NLGN1: variants seen among roughly 807,000 people sequenced by gnomAD.
The protein encoded by NLGN1 is neuroligin 1, also known as neuroligin-1.
A neutral mutation model predicts 65.5 loss-of-function variants in NLGN1; 12 were observed. That is an observed-to-expected ratio of 0.18 (90% CI 0.12 to 0.30). The LOEUF is 0.30. Among genes scored for constraint, NLGN1 ranks in the 10% least tolerant of loss-of-function variants. The pLI is 1.00. For missense variants in NLGN1, 750 were observed against 1,007.1 expected (o/e 0.74, Z 3.46); for synonymous variants, 350 against 359.5 (o/e 0.97, Z 0.30).
intron 3 of NLGN1, among the ~76,000 whole-genome samples, chr3:173,613,779 C>T (rs1752651486): frequency 6.6e-6 from 1 of 151,988 alleles, no homozygotes; most frequent in Non-Finnish European, 1.5e-5. Flanking sequence ...AAGCATAGCT[C>T]ATAATTTTCA....
rs6803089 is a variant in NLGN1 at position 174,043,176 on chromosome 3, C to T, written c.647-232139C>T. The stretch of plus-strand genomic sequence containing the variant: ...AGTTACCTCCACCTGATCCCTCCCA[C>T]GACATGTGGAGATTATGGGAACTAC... On this transcript the variant is annotated intron_variant, in intron 4 of 6. Coordinates refer to ENST00000457714, the Ensembl canonical transcript of NLGN1. Among the ~76,000 whole-genome samples, 670 of 152,256 alleles carry T rather than the reference C, an allele frequency of 4.4e-3. 7 individuals are homozygous for T. Among genetic ancestry groups the T allele is most frequent in the African/African-American group, 0.015 (630 of 41,556 alleles).
chr3:173,940,810 G>A (rs947307730), intron 4 of NLGN1, among the ~76,000 whole-genome samples: 1 of 152,056 alleles, frequency 6.6e-6, no homozygotes, highest in African/African-American at 2.4e-5. Context: ...ATATCTACGT[G>A]CATTTGCCTA....
In NLGN1 at chr3:173,789,899, G is replaced by GAA. The variant is rs756358641; in HGVS notation, c.494-17781_494-17780insAA. 5.6e-4 allele frequency: 288 copies of GAA among 513,074 alleles called. 1 individual carries two copies. The highest frequency in any genetic ancestry group is 5.0e-3 in the African/African-American group (259 of 51,982). The allele number at this position is 513,074 out of a possible 1,614,324, so 31.8% of individuals were successfully genotyped here. Reference sequence around the variant, plus strand: ...CAGCTAATCTAGTTCTGATTTCTCAGCATCTCTATTGAGGACAAGGCACCT... The same window carrying GAA: ...CAGCTAATCTAGTTCTGATTTCTCAGAACATCTCTATTGAGGACAAGGCACCT... On this transcript the variant is annotated intron_variant, in intron 3 of 6. Coordinates refer to ENST00000457714, the Ensembl canonical transcript of NLGN1.
At chr3:173,558,261 T>C (rs551596785) in intron 2 of NLGN1, among the ~76,000 whole-genome samples, 74 of 152,260 alleles carry the variant, frequency 4.9e-4, no homozygotes, top group African/African-American at 1.7e-3. Flanking sequence ...ATACCATTGG[T>C]TTTCATCACT....
At chr3:173,454,516 G>A (rs1722189631) in intron 2 of NLGN1, among the ~76,000 whole-genome samples, 1 of 152,176 alleles carries the variant, frequency 6.6e-6, no homozygotes, top group Non-Finnish European at 1.5e-5. Context: ...TAGATCTTCT[G>A]GATAAGTTGG....
At chr3:173,699,039 A>G (rs1017195977) in intron 3 of NLGN1, among the ~76,000 whole-genome samples, 5 of 152,056 alleles carry the variant, frequency 3.3e-5, no homozygotes, top group East Asian at 1.9e-4. Context: ...TAATTTTAGT[A>G]GAGACGCGTT....
chr3:173,767,159 G>A lies in NLGN1; in HGVS notation c.494-40521G>A, dbSNP rs148657361. ...GAAAAACAAAAGAAGGGACTGGCGT[G>A]TTTTTCTTCAATAATGAGTATTTTC... On this transcript the variant is annotated intron_variant, in intron 3 of 6. Coordinates refer to ENST00000457714, the Ensembl canonical transcript of NLGN1. Among the ~76,000 whole-genome samples the A allele has an allele frequency of 5.5e-3, 835 of 152,226 alleles. 5 individuals carry two copies. Among genetic ancestry groups the A allele is most frequent in the Middle Eastern group, 0.014 (4 of 292 alleles).
chr3:174,211,361 C>T (rs546511329), intron 4 of NLGN1, among the ~76,000 whole-genome samples: 5 of 152,106 alleles, frequency 3.3e-5, no homozygotes, highest in East Asian at 2.0e-4. Context: ...CTGAGCTAGG[C>T]GCAAAGGTTC....
At chr3:173,408,486 A>G (rs933437262) in intron 1 of NLGN1, among the ~76,000 whole-genome samples, 1 of 152,206 alleles carries the variant, frequency 6.6e-6, no homozygotes, top group East Asian at 1.9e-4. Context: ...CACTCTCCAT[A>G]AAAACAGCAG....
intron 4 of NLGN1, among the ~76,000 whole-genome samples, chr3:173,866,469 C>T (rs1303619630): frequency 6.6e-6 from 1 of 152,070 alleles, no homozygotes; most frequent in Non-Finnish European, 1.5e-5. Flanking sequence ...AAAAAATAAA[C>T]GAATAAATGA....
intron 4 of NLGN1, among the ~76,000 whole-genome samples, chr3:173,911,519 T>G (rs1269274674): frequency 6.6e-6 from 1 of 152,200 alleles, no homozygotes; most frequent in African/African-American, 2.4e-5. Flanking sequence ...AATCAGAGAT[T>G]AGCTCAAAAC....
chr3:174,002,065 A>C lies in NLGN1; in HGVS notation c.646+194233A>C, dbSNP rs368007656. Among the ~76,000 whole-genome samples the C allele has an allele frequency of 7.9e-5, 12 of 152,110 alleles. No individual in the cohort carries two copies. In the East Asian group the frequency reaches 2.3e-3, roughly 29 times the overall value. On this transcript the variant is annotated intron_variant, in intron 4 of 6. Transcript: ENST00000457714. ...CACCTAGACAGATTTAAAAAAAAAA[A>C]AAAAAACAAGATTAGGGCCCTACTC... is the stretch of plus-strand genomic sequence containing the variant.
intron 4 of NLGN1, among the ~76,000 whole-genome samples, chr3:174,266,287 T>G (rs1318868546): frequency 6.6e-6 from 1 of 152,258 alleles, no homozygotes; most frequent in East Asian, 1.9e-4. Flanking sequence ...TAACCTCCAC[T>G]TACAGGTGAG....
At chr3:173,421,612 CTTCTGCCTCAGTCTGGGACTA>C (rs1171661278) in intron 1 of NLGN1, among the ~76,000 whole-genome samples, 1 of 151,858 alleles carries the variant, frequency 6.6e-6, no homozygotes, top group African/African-American at 2.4e-5. Flanking sequence ...TCAAGCAGTT[CTTCTGCCTCAGTCTGGGACTA>C]CAGACTGAGG....
At chr3:173,877,415 T>C (rs1732349358) in intron 4 of NLGN1, among the ~76,000 whole-genome samples, 1 of 151,498 alleles carries the variant, frequency 6.6e-6, no homozygotes. Context: ...TGTCAGAGAC[T>C]GGAAGAGACA....
intron 4 of NLGN1, among the ~76,000 whole-genome samples, chr3:174,189,283 G>A (rs141576504): frequency 1.3e-3 from 203 of 152,086 alleles, no homozygotes; most frequent in African/African-American, 4.6e-3. Context: ...GCCCTCAGAT[G>A]AGAGAAATAA....
intron 3 of NLGN1, among the ~76,000 whole-genome samples, chr3:173,776,876 A>G (rs1338832795): frequency 1.3e-5 from 2 of 151,948 alleles, no homozygotes; most frequent in African/African-American, 4.8e-5. Flanking sequence ...CTTTCATAGG[A>G]AAAAGTCAAC....
intron 4 of NLGN1, among the ~76,000 whole-genome samples, chr3:173,856,208 C>T (rs1367154692): frequency 1.3e-5 from 2 of 152,116 alleles, no homozygotes; most frequent in Non-Finnish European, 1.5e-5. Context: ...CCTCTAGGGA[C>T]TGTTGTTGCA....
chr3:174,237,606 G>T (rs927617287), intron 4 of NLGN1, among the ~76,000 whole-genome samples: 1 of 152,024 alleles, frequency 6.6e-6, no homozygotes, highest in African/African-American at 2.4e-5. Flanking sequence ...CACCCAGCTG[G>T]ACTGCAGTGG....
Sources: allele counts gnomAD v4.1 joint callset (sites outside exome capture counted in the v4.1 genomes callset), GRCh38; gene constraint gnomAD v4.1.1; transcripts MANE v1.5; gene names NCBI Gene and HGNC (gene_info 2026-07-23, HGNC 2026-07-21).